SPIRE1: variants seen among roughly 807,000 people sequenced by gnomAD.
SPIRE1 encodes the protein protein spire homolog 1.
SPIRE1 carries 40 observed loss-of-function variants against 94.1 expected under a neutral mutation model. The ratio of observed to expected loss-of-function variants is 0.43; its 90% CI spans 0.33 to 0.55. The LOEUF is 0.55. Ranked by LOEUF, SPIRE1 falls within the 20% of genes least tolerant of loss-of-function variation. The pLI is 0.06. For synonymous variants in SPIRE1, 376 were observed against 371.7 expected (o/e 1.01, Z -0.13); for missense variants, 838 against 975.2 (o/e 0.86, Z 1.87).
intron 2 of SPIRE1, among the ~76,000 whole-genome samples, chr18:12,612,347 C>A (rs1339532976): frequency 6.6e-6 from 1 of 152,128 alleles, no homozygotes; most frequent in Non-Finnish European, 1.5e-5. Context: ...GCTTTGTGGC[C>A]ACGCCTTCTT....
chr18:12,624,816 A>T (rs2037574746), intron 2 of SPIRE1, among the ~76,000 whole-genome samples: 1 of 140,752 alleles, frequency 7.1e-6, no homozygotes, highest in Non-Finnish European at 1.6e-5. Flanking sequence ...TGGGCGACAG[A>T]GTGAGACTCC....
intron 1 of SPIRE1, among the ~76,000 whole-genome samples, chr18:12,643,068 T>A (rs2038128735): frequency 6.6e-6 from 1 of 151,942 alleles, no homozygotes; most frequent in South Asian, 2.1e-4. Context: ...TTCTTGACTA[T>A]GTATAGTATA....
At chr18:12,609,774 G>A (rs2037086853) in intron 2 of SPIRE1, among the ~76,000 whole-genome samples, 1 of 152,198 alleles carries the variant, frequency 6.6e-6, no homozygotes, top group East Asian at 1.9e-4. Flanking sequence ...GGCTCCCACT[G>A]CCCATCTCCC....
At chr18:12,574,227 A>G (rs971756771) in intron 2 of SPIRE1, among the ~76,000 whole-genome samples, 4 of 152,204 alleles carry the variant, frequency 2.6e-5, no homozygotes, top group Admixed American at 2.6e-4. Context: ...AACTGCTCTA[A>G]AAAAAGTATT....
At chr18:12,458,929 G>C (rs1447460620) in intron 12 of SPIRE1, among the ~76,000 whole-genome samples, 3 of 152,154 alleles carry the variant, frequency 2.0e-5, no homozygotes. Flanking sequence ...CTAAGAAAGA[G>C]TAACAAAGAA....
At chr18:12,516,503 C>T (rs935701048) in intron 4 of SPIRE1, among the ~76,000 whole-genome samples, 5 of 152,176 alleles carry the variant, frequency 3.3e-5, no homozygotes, top group Admixed American at 1.3e-4. Flanking sequence ...GCCCTAATTA[C>T]AGCCTTTGAG....
At chr18:12,485,508 G>C (rs1411095541) in intron 9 of SPIRE1, among the ~76,000 whole-genome samples, 4 of 152,212 alleles carry the variant, frequency 2.6e-5, no homozygotes, top group African/African-American at 9.6e-5. Flanking sequence ...CTGAGGTGCT[G>C]TCATCTGAAG....
At chr18:12,638,912 C>T (rs2038009713) in intron 1 of SPIRE1, among the ~76,000 whole-genome samples, 1 of 152,156 alleles carries the variant, frequency 6.6e-6, no homozygotes, top group African/African-American at 2.4e-5. Context: ...GCCATGCTTC[C>T]TGTACAGCCT....
intron 1 of SPIRE1, among the ~76,000 whole-genome samples, chr18:12,652,196 C>G (rs2038397982): frequency 6.6e-6 from 1 of 152,154 alleles, no homozygotes; most frequent in Non-Finnish European, 1.5e-5. Context: ...TAGACTATAA[C>G]CTAAACTGCA....
intron 8 of SPIRE1, among the ~76,000 whole-genome samples, chr18:12,489,792 A>G (rs1350673368): frequency 1.3e-5 from 2 of 152,240 alleles, no homozygotes; most frequent in Non-Finnish European, 2.9e-5. Flanking sequence ...AGTACTGTAT[A>G]TACACAGTTT....
At chr18:12,625,172 T>C (rs1235226113) in intron 2 of SPIRE1, among the ~76,000 whole-genome samples, 1 of 152,190 alleles carries the variant, frequency 6.6e-6, no homozygotes, top group Non-Finnish European at 1.5e-5. Context: ...CACACTACAA[T>C]GATCCCTCTG....
chr18:12,468,205 C>T (rs1432494112), intron 10 of SPIRE1, among the ~76,000 whole-genome samples: 1 of 151,954 alleles, frequency 6.6e-6, no homozygotes, highest in African/African-American at 2.4e-5. Context: ...ATTTTATGAC[C>T]ACAGATGTTA....
chr18:12,452,748 T>C (rs2031308831), intron 14 of SPIRE1: 2 of 608,600 alleles, frequency 3.3e-6, no homozygotes, highest in African/African-American at 3.7e-5. Flanking sequence ...AATTTTCTTA[T>C]TTGTCTATCC....
chr18:12,566,559 T>C (rs1489631009), intron 2 of SPIRE1, among the ~76,000 whole-genome samples: 1 of 152,202 alleles, frequency 6.6e-6, no homozygotes, highest in Non-Finnish European at 1.5e-5. Flanking sequence ...GTATATATCT[T>C]ATTCGGGATT....
chr18:12,589,315 T>C (rs545943194), intron 2 of SPIRE1, among the ~76,000 whole-genome samples: 2 of 152,116 alleles, frequency 1.3e-5, no homozygotes, highest in East Asian at 1.9e-4. Flanking sequence ...TCCATTCATA[T>C]AAAGTAAAAG....
chr18:12,627,971 A>G (rs1368770400), intron 2 of SPIRE1, among the ~76,000 whole-genome samples: 1 of 152,096 alleles, frequency 6.6e-6, no homozygotes, highest in East Asian at 1.9e-4. Context: ...TCAGATGGGT[A>G]GATTGCAAAA....
intron 10 of SPIRE1, among the ~76,000 whole-genome samples, chr18:12,476,434 G>A (rs1334846381): frequency 4.0e-5 from 6 of 150,170 alleles, no homozygotes; most frequent in Non-Finnish European, 5.9e-5. Context: ...CCAGTTACTC[G>A]GGAGGCTGAG....
intron 2 of SPIRE1, among the ~76,000 whole-genome samples, chr18:12,625,744 TA>T (rs1235001273): frequency 2.0e-5 from 3 of 152,158 alleles, no homozygotes; most frequent in Non-Finnish European, 4.4e-5. Context: ...CATTGTCAAT[TA>T]AAAGAGGCAA....
intron 9 of SPIRE1, among the ~76,000 whole-genome samples, chr18:12,485,338 C>T: frequency 6.6e-6 from 1 of 152,136 alleles, no homozygotes; most frequent in Non-Finnish European, 1.5e-5. Flanking sequence ...ATCTCCTGAC[C>T]TTAAGATCCG....
Sources: gnomAD v4.1 joint callset for allele counts (sites outside exome capture counted in the v4.1 genomes callset) on GRCh38, gnomAD v4.1.1 for gene constraint, MANE v1.5 for transcripts, NCBI Gene and HGNC (gene_info 2026-07-23, HGNC 2026-07-21) for gene names.